The following ANK3 variants were observed in gnomAD, a reference collection of about 807,000 sequenced individuals.
ANK3 encodes the protein ankyrin 3.
A neutral mutation model predicts 370.9 loss-of-function variants in ANK3; 57 were observed. The observed-to-expected ratio is 0.15, with a 90% CI of 0.12 to 0.19. The LOEUF (loss-of-function observed/expected upper bound fraction) is 0.19, where lower values mean the gene tolerates loss of function less well. ANK3 is among the 10% of genes least tolerant of loss of function. The pLI is 1.00. For missense variants in ANK3, 4,439 were observed against 5,302.1 expected, an observed-to-expected ratio of 0.84 and a Z score of 5.06; for synonymous variants, 1,929 against 1,946.3, an observed-to-expected ratio of 0.99 and a Z score of 0.23.
At chr10:60,107,260 TAAGATA>T (rs1194041962) in intron 27 of ANK3, among the ~76,000 whole-genome samples, 1 of 152,172 alleles carries the variant, frequency 6.6e-6, no homozygotes, top group Admixed American at 6.5e-5. Context: ...ATTTCAAGAT[TAAGATA>T]TTTACCAGAG....
intron 23 of ANK3, among the ~76,000 whole-genome samples, chr10:60,162,547 T>C (rs1331654140): frequency 6.6e-6 from 1 of 152,184 alleles, no homozygotes; most frequent in Admixed American, 6.5e-5. Flanking sequence ...CTGAACATGA[T>C]TCTTCTTATC....
At position 60,076,792 on chromosome 10, in the gene ANK3, G is replaced by A. The variant is rs149443821; in HGVS notation, c.4433-344C>T. On this transcript the variant is annotated intron_variant, in intron 36 of 43. Transcript: ENST00000280772. ...AGAAAAATAACCATAATGGAAAACT[G>A]TTCCCTACTTCCTATTGACTTTCTT... Among the ~76,000 whole-genome samples, 6 of 152,230 alleles carry A rather than the reference G, an allele frequency of 3.9e-5. No homozygotes were observed. The East Asian group carries it at 9.6e-4, about 24-fold the overall frequency.
At chr10:60,610,683 C>A (rs1432030482) in intron 2 of ANK3, among the ~76,000 whole-genome samples, 1 of 152,002 alleles carries the variant, frequency 6.6e-6, no homozygotes, top group Admixed American at 6.6e-5. Context: ...TCACCACAGA[C>A]TTGAGCAAAG....
intron 1 of ANK3, among the ~76,000 whole-genome samples, chr10:60,316,290 C>A (rs922221480): frequency 6.6e-6 from 1 of 152,084 alleles, no homozygotes; most frequent in Non-Finnish European, 1.5e-5. Context: ...ATGTATGACA[C>A]CTTAGCAAAC....
chr10:60,228,166 C>A (rs1382989008), intron 8 of ANK3, among the ~76,000 whole-genome samples: 1 of 152,160 alleles, frequency 6.6e-6, no homozygotes, highest in Non-Finnish European at 1.5e-5. Flanking sequence ...TCATGCACCA[C>A]TTACGAATAT....
chr10:60,491,482 C>A (rs2075502921), intron 2 of ANK3, among the ~76,000 whole-genome samples: 2 of 152,150 alleles, frequency 1.3e-5, no homozygotes, highest in African/African-American at 4.8e-5. Context: ...CATTTCTTTA[C>A]CCATAAATAC....
intron 2 of ANK3, among the ~76,000 whole-genome samples, chr10:60,418,761 C>T (rs1271412621): frequency 2.0e-5 from 3 of 150,134 alleles, no homozygotes; most frequent in Non-Finnish European, 3.0e-5. Context: ...TTTAACTGGG[C>T]ATTCTGTATC....
intron 7 of ANK3, among the ~76,000 whole-genome samples, chr10:60,255,109 A>G (rs1197209728): frequency 6.6e-6 from 1 of 152,204 alleles, no homozygotes; most frequent in African/African-American, 2.4e-5. Context: ...ATAAGTGTAA[A>G]ATGCCTAATA....
At chr10:60,175,753 G>A (rs1327145993) in intron 18 of ANK3, among the ~76,000 whole-genome samples, 1 of 152,200 alleles carries the variant, frequency 6.6e-6, no homozygotes, top group Non-Finnish European at 1.5e-5. Flanking sequence ...AGGAGCCCGG[G>A]CCTCAGAGGC....
chr10:60,386,816 T>C (rs977534871), intron 1 of ANK3, among the ~76,000 whole-genome samples: 2 of 152,160 alleles, frequency 1.3e-5, no homozygotes, highest in African/African-American at 4.8e-5. Context: ...CTAGATACTC[T>C]TTAGGATTTT....
At chr10:60,695,483 T>C (rs985363528) in intron 1 of ANK3, among the ~76,000 whole-genome samples, 51 of 152,134 alleles carry the variant, frequency 3.4e-4, no homozygotes, top group Non-Finnish European at 5.0e-4. Context: ...TATTCCAAAA[T>C]TGACCACATA....
intron 2 of ANK3, among the ~76,000 whole-genome samples, chr10:60,548,085 T>C (rs1347810941): frequency 9.9e-5 from 15 of 152,102 alleles, no homozygotes; most frequent in Admixed American, 9.2e-4. Flanking sequence ...TCCAAAGTAT[T>C]TGAAAACGTT....
chr10:60,720,252 G>A (rs1022944666), intron 1 of ANK3, among the ~76,000 whole-genome samples: 15 of 152,224 alleles, frequency 9.9e-5, no homozygotes, highest in Admixed American at 5.9e-4. Flanking sequence ...AGCTATGTGC[G>A]AGACACTGTT....
chr10:60,210,937 C>G (rs927367082), intron 9 of ANK3, among the ~76,000 whole-genome samples: 1 of 152,040 alleles, frequency 6.6e-6, no homozygotes, highest in Non-Finnish European at 1.5e-5. Context: ...TGCTGTAAAT[C>G]CCCCCACAAT....
chr10:60,249,518 A>G (rs1299440633), intron 7 of ANK3, among the ~76,000 whole-genome samples: 1 of 152,228 alleles, frequency 6.6e-6, no homozygotes, highest in Admixed American at 6.5e-5. Flanking sequence ...GGCTTCTGAG[A>G]TATCAGTTAA....
At chr10:60,545,044 T>TA (rs1487440759) in intron 2 of ANK3, among the ~76,000 whole-genome samples, 1 of 152,156 alleles carries the variant, frequency 6.6e-6, no homozygotes, top group Non-Finnish European at 1.5e-5. Flanking sequence ...GCTGATGTTT[T>TA]AAAAACGTTA....
intron 2 of ANK3, among the ~76,000 whole-genome samples, chr10:60,614,546 G>A (rs934698806): frequency 3.3e-5 from 5 of 152,176 alleles, no homozygotes; most frequent in Non-Finnish European, 5.9e-5. Context: ...GATGAATGGT[G>A]ATGACTCCAG....
chr10:60,380,045 T>A (rs529965231), intron 1 of ANK3, among the ~76,000 whole-genome samples: 1 of 152,116 alleles, frequency 6.6e-6, no homozygotes, highest in African/African-American at 2.4e-5. Flanking sequence ...TTGCCACTTA[T>A]CTTCAAAAAT....
intron 1 of ANK3, among the ~76,000 whole-genome samples, chr10:60,656,271 A>G (rs545849552): frequency 3.6e-5 from 5 of 139,416 alleles, no homozygotes; most frequent in Non-Finnish European, 6.4e-5. Flanking sequence ...CCTTTCATCT[A>G]AGTTGTTAAA....
Sources: gnomAD v4.1 joint callset for allele counts (sites outside exome capture counted in the v4.1 genomes callset) on GRCh38, gnomAD v4.1.1 for gene constraint, MANE v1.5 for transcripts, NCBI Gene and HGNC (gene_info 2026-07-23, HGNC 2026-07-21) for gene names.